Variants in TCF4 observed in about 807,000 individuals in gnomAD.
TCF4 encodes the protein SL3-3 enhancer factor 2.
A neutral mutation model predicts 82.1 loss-of-function variants in TCF4; 3 were observed. The observed-to-expected ratio is 0.04, with a 90% CI of 0.02 to 0.09. TCF4 has a LOEUF of 0.09. TCF4 is among the 10% of genes least tolerant of loss of function. The pLI, the probability that TCF4 is intolerant of heterozygous loss-of-function variation, is 1.00. For missense variants in TCF4, 518 were observed against 852.7 expected (o/e 0.61, Z 4.89); for synonymous variants, 276 against 309.6 (o/e 0.89, Z 1.14).
At chr18:55,603,140 G>C (rs151161361) in intron 2 of TCF4, among the ~76,000 whole-genome samples, 89 of 152,162 alleles carry the variant, frequency 5.8e-4, no homozygotes, top group African/African-American at 1.6e-3. Flanking sequence ...TTTCAGGCTG[G>C]AAAATTCTTT....
At chr18:55,523,814 T>TA (rs59810331) in intron 3 of TCF4, among the ~76,000 whole-genome samples, 3 of 152,086 alleles carry the variant, frequency 2.0e-5, no homozygotes, top group South Asian at 2.1e-4. Context: ...ACAATTTTTT[T>TA]AAAAAAATAG....
At chr18:55,591,742 C>T (rs905678469), upstream of TCF4, among the ~76,000 whole-genome samples, 9 of 152,150 alleles carry the variant, frequency 5.9e-5, no homozygotes, top group Non-Finnish European at 1.0e-4. Flanking sequence ...GTCTCAAACC[C>T]CTGACCTCAG....
intron 3 of TCF4, among the ~76,000 whole-genome samples, chr18:55,573,828 G>C (rs1268626476): frequency 6.6e-6 from 1 of 152,186 alleles, no homozygotes; most frequent in African/African-American, 2.4e-5. Flanking sequence ...GGCAACATCA[G>C]AAACATGCCT....
chr18:55,329,891 A>G (rs1467483849), intron 8 of TCF4, among the ~76,000 whole-genome samples: 2 of 152,244 alleles, frequency 1.3e-5, no homozygotes, highest in Non-Finnish European at 2.9e-5. Flanking sequence ...AAACAACTTT[A>G]GCATTTCTAA....
At chr18:55,326,856 T>C (rs1266341471) in intron 8 of TCF4, among the ~76,000 whole-genome samples, 7 of 152,154 alleles carry the variant, frequency 4.6e-5, no homozygotes, top group African/African-American at 7.2e-5. Flanking sequence ...TTATAAAAAA[T>C]TGTAATAAAT....
chr18:55,357,635 ATCAAACTG>A (rs528398606), intron 6 of TCF4, among the ~76,000 whole-genome samples: 7 of 152,222 alleles, frequency 4.6e-5, no homozygotes, highest in Non-Finnish European at 7.3e-5. Context: ...ATAAAGGCAT[ATCAAACTG>A]TCACAAGTCA....
At chr18:55,558,387 C>G (rs182569569) in intron 3 of TCF4, among the ~76,000 whole-genome samples, 8 of 152,230 alleles carry the variant, frequency 5.3e-5, no homozygotes, top group Admixed American at 3.9e-4. Flanking sequence ...CTACTAAGAA[C>G]TCTAAATTGG....
intron 3 of TCF4, among the ~76,000 whole-genome samples, chr18:55,533,201 T>C (rs747416811): frequency 1.3e-5 from 2 of 152,038 alleles, no homozygotes; most frequent in African/African-American, 4.8e-5. Context: ...ACAACCGCAA[T>C]AAAACCAGCC....
intron 10 of TCF4, among the ~76,000 whole-genome samples, chr18:55,274,668 A>G (rs2061106011): frequency 1.3e-5 from 2 of 152,336 alleles, no homozygotes; most frequent in African/African-American, 4.8e-5. Context: ...TGTAAGTATC[A>G]CCTGGGATCA....
chr18:55,485,187 A>C (rs1011042807), intron 3 of TCF4, among the ~76,000 whole-genome samples: 2 of 152,218 alleles, frequency 1.3e-5, no homozygotes, highest in African/African-American at 4.8e-5. Context: ...CCTAGGATGA[A>C]GGCAGTACAC....
At chr18:55,599,858 G>C (rs1302270364) in intron 2 of TCF4, among the ~76,000 whole-genome samples, 2 of 152,162 alleles carry the variant, frequency 1.3e-5, no homozygotes, top group Non-Finnish European at 2.9e-5. Flanking sequence ...AACCCAGAAG[G>C]CTTCCTCCTT....
At chr18:55,535,143 A>G (rs939003630) in intron 3 of TCF4, among the ~76,000 whole-genome samples, 4 of 152,216 alleles carry the variant, frequency 2.6e-5, no homozygotes, top group Admixed American at 2.6e-4. Context: ...CAATAACACC[A>G]CGTGAGACAC....
At chr18:55,566,164 G>T (rs1479668065) in intron 3 of TCF4, among the ~76,000 whole-genome samples, 2 of 152,160 alleles carry the variant, frequency 1.3e-5, no homozygotes, top group South Asian at 2.1e-4. Context: ...AGTGAGCCAA[G>T]ATCATGCCAC....
At chr18:55,592,467 A>G (rs995392999), upstream of TCF4, among the ~76,000 whole-genome samples, 1 of 152,052 alleles carries the variant, frequency 6.6e-6, no homozygotes, top group African/African-American at 2.4e-5. Context: ...GAGAACACTA[A>G]TGCCATCATG....
At position 55,264,396 on chromosome 18, in the gene TCF4, C is replaced by T. The variant is rs943529757; in HGVS notation, c.923-2863G>A. Among the ~76,000 whole-genome samples, 13 of 152,230 alleles carry T rather than the reference C, an allele frequency of 8.5e-5. 1 individual carries two copies. In the South Asian group the frequency reaches 2.7e-3, roughly 32 times the overall value. On this transcript the variant is annotated intron_variant, in intron 11 of 19. Transcript: ENST00000354452. ...TAAATTTCAAAGCAGTTTACTGGGG[C>T]CAGTTTGCCCTTTCACTTGGAATGC...
At chr18:55,304,140 G>A (rs1327741938) in intron 8 of TCF4, among the ~76,000 whole-genome samples, 1 of 152,150 alleles carries the variant, frequency 6.6e-6, no homozygotes, top group African/African-American at 2.4e-5. Context: ...AGTAAAGCTA[G>A]AGGGTCAGTG....
At chr18:55,460,821 T>C (rs1176665753) in intron 5 of TCF4, among the ~76,000 whole-genome samples, 198 bp downstream of exon 5, 2 of 152,202 alleles carry the variant, frequency 1.3e-5, no homozygotes, top group African/African-American at 4.8e-5. Flanking sequence ...TCATTCCATA[T>C]GCTTGTAAAA....
intron 6 of TCF4, among the ~76,000 whole-genome samples, chr18:55,362,963 CTT>C (rs2085869039): frequency 1.3e-5 from 2 of 152,070 alleles, no homozygotes; most frequent in African/African-American, 4.8e-5. Flanking sequence ...AAAAGAAAAT[CTT>C]TTCACACAAA....
In TCF4 at chr18:55,260,033, A is replaced by C. The variant is rs201721676; in HGVS notation, c.991-6T>G. 1.1e-5 allele frequency: 17 copies of C among 1,605,242 alleles called. No individual in the cohort carries two copies. In the African/African-American group the frequency reaches 2.0e-4, roughly 19 times the overall value. ...GTGTGATCTGGAGAATAGATCTTAA[A>C]ACAATAAGGAGAAAAAAAAAACACC... On this transcript the variant is annotated splice_polypyrimidine_tract_variant and splice_region_variant and intron_variant, in intron 12 of 19. Coordinates refer to ENST00000354452, the MANE Select transcript of TCF4 (RefSeq NM_001083962.2).
Sources: allele counts gnomAD v4.1 joint callset (sites outside exome capture counted in the v4.1 genomes callset), GRCh38; gene constraint gnomAD v4.1.1; transcripts MANE v1.5; gene names NCBI Gene and HGNC (gene_info 2026-07-23, HGNC 2026-07-21).